The following CBARP variants were observed in gnomAD, a reference collection of about 807,000 sequenced individuals.
The protein encoded by CBARP is CACN subunit beta associated regulatory protein.
CBARP carries 24 observed loss-of-function variants against 36.3 expected under a neutral mutation model. The ratio of observed to expected loss-of-function variants is 0.66; its 90% confidence interval spans 0.48 to 0.93. The LOEUF is 0.93. CBARP is among the 40% of genes least tolerant of loss of function. CBARP has a pLI of 0.00. For synonymous variants in CBARP, 586 were observed against 453.2 expected (o/e 1.29, Z -3.72); for missense variants, 1,146 against 980.4 (o/e 1.17, Z -2.26).
chr19:1,229,748 T>C lies in CBARP; in HGVS notation c.1549A>G (p.Thr517Ala), dbSNP rs1226328509. ...SIEGRGAGDD[T>A]EPPAAPARPR... ...CGGGCGGGCGCGGCAGGTGGCTCGG[T>C]GTCGTCGCCTGCGCCGCGGCCCTCG... Residue 517 changes from threonine (T) to alanine (A), a missense_variant, in exon 10 of 10, where the codon ACC becomes GCC. By Grantham distance (58) the Thr-to-Ala change is moderately conservative. Coordinates refer to ENST00000650044, the MANE Select transcript of CBARP (RefSeq NM_001393918.1). This position sits in a 1 kb window ranked among gnomAD's most constrained non-coding sequence, Gnocchi z 5.1. 2.0e-6 allele frequency: 2 copies of C among 993,048 alleles called. No individual in the cohort carries two copies. The highest frequency in any genetic ancestry group is 2.4e-6 in the Non-Finnish European group (2 of 834,088). The allele number at this position is 993,048 out of a possible 1,614,324, so 61.5% of individuals were successfully genotyped here. A position where few individuals can be genotyped will look rare whatever the true frequency, so the allele number is the denominator to read the frequency against.
At chr19:1,235,750 C>T (rs754160179) in intron 3 of CBARP, 29 bp downstream of exon 3, 9 of 1,605,978 alleles carry the variant, frequency 5.6e-6, no homozygotes, top group Non-Finnish European at 7.6e-6. Context: ...CCACCATGCA[C>T]CTGCCCAGCC....
At chr19:1,235,273 C>T (rs1429637051) in intron 4 of CBARP, 128 bp from the exon 5 acceptor site, 12 of 1,154,734 alleles carry the variant, frequency 1.0e-5, no homozygotes, top group Middle Eastern at 3.1e-4. Context: ...GCCGGGCTGG[C>T]GGGGCGAGGG....
At chr19:1,232,253 T>C (rs2080903949) in intron 8 of CBARP, among the ~76,000 whole-genome samples, 2 of 152,148 alleles carry the variant, frequency 1.3e-5, no homozygotes, top group African/African-American at 4.8e-5. Context: ...TTCTCTCAGC[T>C]GGAGCGGGGC....
intron 9 of CBARP, 188 bp downstream of exon 9, chr19:1,230,913 T>TCC (rs755315849): frequency 2.5e-6 from 4 of 1,572,640 alleles, no homozygotes; most frequent in Non-Finnish European, 2.6e-6. Flanking sequence ...TCTCCCTGCT[T>TCC]CCCTCCTCTG....
chr19:1,234,522 G>A lies in CBARP; in HGVS notation c.627+49C>T, dbSNP rs1000758309. 6 of 1,544,360 alleles carry A rather than the reference G, an allele frequency of 3.9e-6. No homozygotes were observed. In the African/African-American group the frequency reaches 6.8e-5, roughly 17 times the overall value. ...GGCGTGGGGGTCCGGGAGTCCCCGG[G>A]GCTGCCTCCCGTCCCCCGAGGAACC... On this transcript the variant is annotated intron_variant, in intron 6 of 9. Coordinates refer to ENST00000650044, the MANE Select transcript of CBARP (RefSeq NM_001393918.1).
rs373515092 is a variant in CBARP, at chr19:1,235,551, G to A, written c.260C>T (p.Ala87Val). 13 of 1,607,062 alleles carry A rather than the reference G, an allele frequency of 8.1e-6. No individual in the cohort carries two copies. Among genetic ancestry groups the A allele is most frequent in the Middle Eastern group, 1.7e-4 (1 of 6,058 alleles). The part of the protein sequence containing the change: ...HQRLNRAMEE[A>V]EKTTTTYLDN... The stretch of plus-strand genomic sequence containing the variant: ...CAGGTAGGTGGTGGTGGTCTTCTCC[G>A]CTTCCTCCATGGCCCTGGGAGAGAC... The change falls in exon 4 of 10, where the codon GCG (alanine) becomes GTG (valine). Residue 87 changes from alanine (A) to valine (V), a missense_variant. Ala to Val is a moderately conservative substitution (Grantham distance 64). Transcript: ENST00000650044.
At position 1,235,931 on chromosome 19, in the gene CBARP, A is replaced by AG. The variant is rs760559634; in HGVS notation, c.106-14dup. The AG allele has an allele frequency of 3.9e-5, 63 of 1,604,794 alleles. No homozygotes were observed. Among genetic ancestry groups the AG allele is most frequent in the Admixed American group, 3.4e-4 (20 of 59,624 alleles). ...GGTCTGGCTCTGCCTGCGGGTGTGC[A>AG]GGGGGGGTCAGGTGCTGCTGGCCTG... On this transcript the variant is annotated splice_polypyrimidine_tract_variant and intron_variant, in intron 2 of 9. Transcript: ENST00000650044.
At position 1,235,114 on chromosome 19, in the gene CBARP, G is replaced by A; in HGVS notation, c.342C>T (p.Cys114=). The change falls in exon 5 of 10, where the codon TGC becomes TGT. Residue 114 remains cysteine (C), a synonymous_variant. Coordinates refer to ENST00000650044, the MANE Select transcript of CBARP (RefSeq NM_001393918.1). ...DPDFRGEDPE[C]QDAETERFLS... The stretch of plus-strand genomic sequence containing the variant: ...GGAAGCGTTCGGTCTCCGCATCCTG[G>A]CACTCGGGGTCCTCTCCCCGGAAGT... 6.2e-7 allele frequency: 1 copy of A among 1,601,174 alleles called. No homozygotes were observed. The highest frequency in any genetic ancestry group is 8.5e-7 in the Non-Finnish European group (1 of 1,174,528).
Position 1,231,424 on chromosome 19 carries a change from CACA to C in CBARP, c.980-152_980-150del, listed in dbSNP as rs940561020. The C allele has an allele frequency of 5.3e-4, 640 of 1,199,848 alleles. 5 individuals carry two copies. The highest frequency in any genetic ancestry group is 1.8e-3 in the East Asian group (65 of 35,428). 74.3% of individuals were successfully genotyped at this position (1,199,848 alleles called of 1,614,324 possible). A position where few individuals can be genotyped will look rare whatever the true frequency, so the allele number is the denominator to read the frequency against. On this transcript the variant is annotated intron_variant, in intron 8 of 9. Coordinates refer to ENST00000650044, the MANE Select transcript of CBARP (RefSeq NM_001393918.1). ...CGCCTGTGGACCCCCACCACACACA[CACA>C]ACGTGTGCCCCCCACACATACAACG...
Position 1,236,064 on chromosome 19 carries a change from T to TGGTGGC in CBARP, c.31_36dup (p.Ala11_Thr12dup). Reference sequence around the variant, plus strand: ...ACTGTGGCAGTGGTGGTGGTGGTGGTGGTGGCGGCTGTGGCCATGGTGGCT... The same window carrying TGGTGGC: ...ACTGTGGCAGTGGTGGTGGTGGTGGTGGTGGCGGTGGCGGCTGTGGCCATGGTGGCT... On this transcript the variant is annotated inframe_insertion, in exon 2 of 10. Transcript: ENST00000650044. The TGGTGGC allele has an allele frequency of 6.6e-7, 1 of 1,510,916 alleles. No individual in the cohort carries two copies. The highest frequency in any genetic ancestry group is 1.3e-5 in the South Asian group (1 of 75,624). The allele number at this position is 1,510,916 out of a possible 1,614,324, so 93.6% of individuals were successfully genotyped here.
rs766052407 is a variant in CBARP, at chr19:1,234,993, C to T, written c.455+8G>A. On this transcript the variant is annotated splice_region_variant and intron_variant, in intron 5 of 9. Coordinates refer to ENST00000650044, the MANE Select transcript of CBARP (RefSeq NM_001393918.1). Reference sequence around the variant, plus strand: ...CCCTGGGGTGCCTCCCAACGCCGCCCCGCTTACCGGCGACCCTTGTCCTGC... The same window carrying T: ...CCCTGGGGTGCCTCCCAACGCCGCCTCGCTTACCGGCGACCCTTGTCCTGC... 1.3e-6 allele frequency: 2 copies of T among 1,597,160 alleles called. No individual in the cohort carries two copies. Among genetic ancestry groups the T allele is most frequent in the Admixed American group, 1.7e-5 (1 of 59,174 alleles).
rs1026859664 is a variant in CBARP, at chr19:1,234,996, C to T, written c.455+5G>A. 6.3e-7 allele frequency: 1 copy of T among 1,598,354 alleles called. No individual in the cohort carries two copies. Among genetic ancestry groups the T allele is most frequent in the African/African-American group, 1.3e-5 (1 of 74,616 alleles). ...TGGGGTGCCTCCCAACGCCGCCCCGCTTACCGGCGACCCTTGTCCTGCGTC... is the reference window on the plus strand; with the variant it reads ...TGGGGTGCCTCCCAACGCCGCCCCGTTTACCGGCGACCCTTGTCCTGCGTC... On this transcript the variant is annotated splice_donor_5th_base_variant and intron_variant, in intron 5 of 9. Coordinates refer to ENST00000650044, the MANE Select transcript of CBARP (RefSeq NM_001393918.1).
chr19:1,235,975 C>G, intron 2 of CBARP, 21 bp downstream of exon 2: 2 of 1,580,576 alleles, frequency 1.3e-6, no homozygotes, highest in Non-Finnish European at 8.6e-7. Flanking sequence ...CCTGCCCCTC[C>G]CACCTGTCCC....
chr19:1,233,523 C>T lies in CBARP; in HGVS notation c.882G>A (p.Leu294=). ...AGTVLQFLTR[L]RRHASLDGAS... is the part of the protein sequence containing the mutation. Reference sequence around the variant, plus strand: ...CCCCATCCAGGCTGGCATGGCGGCGCAGGCGGGTGAGGAACTGCAGAACGG... The same window carrying T: ...CCCCATCCAGGCTGGCATGGCGGCGTAGGCGGGTGAGGAACTGCAGAACGG... The change falls in exon 8 of 10, where the codon CTG becomes CTA. Residue 294 remains leucine (L), a synonymous_variant. Coordinates refer to ENST00000650044, the MANE Select transcript of CBARP (RefSeq NM_001393918.1). The T allele has an allele frequency of 3.7e-6, 6 of 1,600,126 alleles. No homozygotes were observed. The South Asian group carries it at 4.4e-5, about 12-fold the overall frequency.
chr19:1,230,598 C>T, intron 9 of CBARP: 1 of 1,195,706 alleles, frequency 8.4e-7, no homozygotes, highest in Non-Finnish European at 1.0e-6. Context: ...CCCGCCATAC[C>T]AGGGCTGCCC....
intron 7 of CBARP, 152 bp downstream of exon 7, chr19:1,234,039 C>T: frequency 1.1e-6 from 1 of 950,282 alleles, no homozygotes; most frequent in Non-Finnish European, 1.4e-6. Context: ...GCGGCCGGCT[C>T]CCTCTTTCTC....
At chr19:1,235,635 G>A in intron 3 of CBARP, 70 bp from the exon 4 acceptor site, 1 of 1,583,598 alleles carries the variant, frequency 6.3e-7, no homozygotes. Context: ...TCGGCTCTTT[G>A]CCCCAAGCCA....
In CBARP at chr19:1,234,990, G is replaced by A. The variant is rs757980450; in HGVS notation, c.455+11C>T. 8.8e-6 allele frequency: 14 copies of A among 1,594,890 alleles called. No individual in the cohort carries two copies. Among genetic ancestry groups the A allele is most frequent in the Admixed American group, 1.7e-5 (1 of 59,020 alleles). On this transcript the variant is annotated intron_variant, in intron 5 of 9. Coordinates refer to ENST00000650044, the MANE Select transcript of CBARP (RefSeq NM_001393918.1). Reference sequence around the variant, plus strand: ...AGGCCCTGGGGTGCCTCCCAACGCCGCCCCGCTTACCGGCGACCCTTGTCC... The same window carrying A: ...AGGCCCTGGGGTGCCTCCCAACGCCACCCCGCTTACCGGCGACCCTTGTCC...
chr19:1,232,877 A>G (rs2080912343), intron 8 of CBARP, among the ~76,000 whole-genome samples: 1 of 152,316 alleles, frequency 6.6e-6, no homozygotes, highest in Non-Finnish European at 1.5e-5. Flanking sequence ...TGATGGGAAA[A>G]GTCTGCTGAC....
Sources: allele counts gnomAD v4.1 joint callset (sites outside exome capture counted in the v4.1 genomes callset), GRCh38; gene constraint gnomAD v4.1.1; non-coding constraint Gnocchi (gnomAD v3.1); transcripts MANE v1.5; gene names NCBI Gene and HGNC (gene_info 2026-07-23, HGNC 2026-07-21).